The following CLCN1 variants were observed in gnomAD, a reference collection of about 807,000 sequenced individuals.
CLCN1 encodes chloride voltage-gated channel 1, also known as chloride channel protein 1.
A neutral mutation model predicts 114.5 loss-of-function variants in CLCN1; 100 were observed. The ratio of observed to expected loss-of-function variants is 0.87; its 90% confidence interval spans 0.74 to 1.03. The LOEUF (loss-of-function observed/expected upper bound fraction) is 1.03, where lower values mean the gene tolerates loss of function less well. Among genes scored for constraint, CLCN1 ranks in the 50% least tolerant of loss-of-function variants. The pLI, the probability that CLCN1 is intolerant of heterozygous loss-of-function variation, is 0.00. For missense variants in CLCN1, 1,188 were observed against 1,250.0 expected (o/e 0.95, Z 0.75); for synonymous variants, 485 against 487.1 (o/e 1.00, Z 0.06).
chr7:143,332,277 G>GT (rs1802745749), intron 10 of CLCN1, 142 bp from the exon 11 acceptor site: 11 of 785,800 alleles, frequency 1.4e-5, no homozygotes, highest in East Asian at 5.0e-5. Flanking sequence ...CTCAAATATT[G>GT]GTTTTTTGTG....
At chr7:143,320,558 T>TGG in intron 2 of CLCN1, 106 bp from the exon 3 acceptor site, 2 of 808,132 alleles carry the variant, frequency 2.5e-6, no homozygotes, top group Non-Finnish European at 3.7e-6. Context: ...TGCTTTTCTC[T>TGG]CTCTCTCTCT....
intron 16 of CLCN1, among the ~76,000 whole-genome samples, chr7:143,343,828 CTCTTT>C (rs932117159): frequency 5.3e-5 from 8 of 151,076 alleles, no homozygotes; most frequent in Admixed American, 1.3e-4. Flanking sequence ...TTCTCTCTCT[CTCTTT>C]TCTTTTCTTT....
In CLCN1 at chr7:143,316,340, A is replaced by C. The variant is rs868831424; in HGVS notation, c.128A>C (p.Gln43Pro). ...CTGCCCTCTGAGAATGGGGGCCTCC[A>C]GCACAGGCTCCGGAAGGATGCAGGC... ...YGLPSENGGLQHRLRKDAGPR... is the reference protein window; with the variant it reads ...YGLPSENGGLPHRLRKDAGPR... The change falls in exon 1 of 23, where the codon CAG becomes CCG. Residue 43 changes from glutamine (Q) to proline (P), a missense_variant. Physicochemically the swap from Gln to Pro is moderately conservative, Grantham distance 76. Transcript: ENST00000343257. 3.1e-6 allele frequency: 5 copies of C among 1,612,730 alleles called. No homozygotes were observed. The African/African-American group carries it at 4.0e-5, about 13-fold the overall frequency.
At chr7:143,323,755 T>G (rs1352036550) in intron 6 of CLCN1, 205 of 488,388 alleles carry the variant, frequency 4.2e-4, no homozygotes, top group Non-Finnish European at 5.9e-5. Flanking sequence ...TCACCCTACC[T>G]CTTACATACG....
In CLCN1 at chr7:143,332,372, A is replaced by AC. The variant is rs759193404; in HGVS notation, c.1167-46dup. 7 of 1,394,744 alleles carry AC rather than the reference A, an allele frequency of 5.0e-6. No individual in the cohort carries two copies. The South Asian group carries it at 8.1e-5, about 16-fold the overall frequency. 86.4% of individuals were successfully genotyped at this position (1,394,744 alleles called of 1,614,324 possible). ...CTTGCCATCGTTCAGTATGGTATTT[A>AC]CTGTGAGTTGGCTGAATTGTGGCGG... On this transcript the variant is annotated intron_variant, in intron 10 of 22. Transcript: ENST00000343257.
rs1802716584 is a variant in CLCN1, at chr7:143,331,285, C to T, written c.1033C>T (p.Leu345=). The change falls in exon 9 of 23, where the codon CTG becomes TTG. Residue 345 remains leucine (L), a synonymous_variant. Coordinates refer to ENST00000343257, the MANE Select transcript of CLCN1 (RefSeq NM_000083.3). ...TTTCCGAATGGATTTCCCCTTTGAC[C>T]TGAAGGAACTACCAGCTTTTGCTGC... ...TNFRMDFPFD[L]KELPAFAAIG... is the part of the protein sequence containing the mutation. The T allele has an allele frequency of 1.2e-6, 2 of 1,613,278 alleles. No homozygotes were observed. The highest frequency in any genetic ancestry group is 1.7e-5 in the Admixed American group (1 of 59,998).
In CLCN1 at chr7:143,344,060, G is replaced by A. The variant is rs541475835; in HGVS notation, c.1931-1461G>A. 4.6e-5 allele frequency among the ~76,000 whole-genome samples: 7 copies of A among 152,238 alleles called. No homozygotes were observed. The East Asian group carries it at 9.7e-4, about 21-fold the overall frequency. On this transcript the variant is annotated intron_variant, in intron 16 of 22. Transcript: ENST00000343257. ...TCACCATGTTGGCCAGGCTGGTCTC[G>A]AACTCCTGACCTCAGGCGATCCACC...
In CLCN1 at chr7:143,345,630, G is replaced by C; in HGVS notation, c.2040G>C (p.Lys680Asn). ...GCGCAGCCCAAGAGATGGCGCGGAAGTTGTCGGAGCTGCCTTACGACGGGA... is the reference window on the plus strand; with the variant it reads ...GCGCAGCCCAAGAGATGGCGCGGAACTTGTCGGAGCTGCCTTACGACGGGA... ...RLRAAQEMAR[K>N]LSELPYDGKA... The change falls in exon 17 of 23, where the codon AAG (lysine) becomes AAC (asparagine). Residue 680 changes from lysine (K) to asparagine (N), a missense_variant. Lys to Asn is a moderately conservative substitution (Grantham distance 94). Transcript: ENST00000343257. The C allele has an allele frequency of 6.4e-7, 1 of 1,562,742 alleles. No individual in the cohort carries two copies. Among genetic ancestry groups the C allele is most frequent in the Non-Finnish European group, 8.7e-7 (1 of 1,154,060 alleles).
intron 6 of CLCN1, chr7:143,323,840 C>A (rs758478433): frequency 4.2e-6 from 2 of 474,086 alleles, no homozygotes; most frequent in South Asian, 3.1e-5. Context: ...GCAGCTTGAC[C>A]TCCTGGTGTC....
chr7:143,318,809 G>A (rs1218524491), intron 1 of CLCN1, among the ~76,000 whole-genome samples: 4 of 152,188 alleles, frequency 2.6e-5, no homozygotes, highest in Admixed American at 2.6e-4. Flanking sequence ...AGGAAACACT[G>A]CCTCCCTCGG....
chr7:143,317,881 G>A (rs1802329446), intron 1 of CLCN1, among the ~76,000 whole-genome samples: 1 of 152,096 alleles, frequency 6.6e-6, no homozygotes, highest in Admixed American at 6.5e-5. Flanking sequence ...CTGGCCCTGT[G>A]TTCTCACTCG....
At position 143,339,072 on chromosome 7, in the gene CLCN1, T is replaced by C. The variant is rs1803003947; in HGVS notation, c.1402-181T>C. On this transcript the variant is annotated intron_variant, in intron 12 of 22. Transcript: ENST00000343257. This position sits in a 1 kb window ranked among gnomAD's most constrained non-coding sequence, Gnocchi z 4.1. ...CTTCTGATAGTATTGTCTTTGGTGATCTCTTAGCCTGAGAGCTCTATGGCT... is the reference window on the plus strand; with the variant it reads ...CTTCTGATAGTATTGTCTTTGGTGACCTCTTAGCCTGAGAGCTCTATGGCT... 6.6e-6 allele frequency among the ~76,000 whole-genome samples: 1 copy of C among 152,186 alleles called. No individual in the cohort carries two copies. Among genetic ancestry groups the C allele is most frequent in the African/African-American group, 2.4e-5 (1 of 41,456 alleles).
intron 8 of CLCN1, 98 bp from the exon 9 acceptor site, chr7:143,331,134 G>GAGGA (rs1254682764): frequency 2.2e-5 from 24 of 1,078,220 alleles, no homozygotes; most frequent in Middle Eastern, 2.0e-4. Flanking sequence ...ACTGGGATTG[G>GAGGA]AGGAAGGAAG....
At chr7:143,331,175 T>C (rs2116852752) in intron 8 of CLCN1, 57 bp from the exon 9 acceptor site, 1 of 1,293,358 alleles carries the variant, frequency 7.7e-7, no homozygotes, top group Non-Finnish European at 1.1e-6. Context: ...CCACCTCTGT[T>C]TCCCTGTTGG....
intron 14 of CLCN1, among the ~76,000 whole-genome samples, chr7:143,340,527 C>A (rs1342309944): frequency 6.6e-6 from 1 of 151,910 alleles, no homozygotes; most frequent in Non-Finnish European, 1.5e-5. Flanking sequence ...TTTCTCTCTT[C>A]TCCTTCTCCT....
chr7:143,343,788 TTC>T (rs1159780765), intron 16 of CLCN1, among the ~76,000 whole-genome samples: 1 of 149,274 alleles, frequency 6.7e-6, no homozygotes, highest in Non-Finnish European at 1.5e-5. Context: ...CTCTCTCTCT[TTC>T]TCTCTCCCTC....
At chr7:143,341,878 A>G (rs1803085556) in intron 14 of CLCN1, 51 bp from the exon 15 acceptor site, 2 of 1,458,390 alleles carry the variant, frequency 1.4e-6, no homozygotes, top group Non-Finnish European at 1.9e-6. Flanking sequence ...TATGTCCTTC[A>G]TGCTAAGAAC....
intron 6 of CLCN1, 29 bp downstream of exon 6, chr7:143,323,415 G>A (rs1324894520): frequency 3.4e-5 from 52 of 1,514,922 alleles, no homozygotes; most frequent in Non-Finnish European, 4.8e-5. Flanking sequence ...AATGAGCTGG[G>A]GCCAGGTGGT....
At chr7:143,329,961 G>A (rs1029482055) in intron 7 of CLCN1, among the ~76,000 whole-genome samples, 9 of 151,850 alleles carry the variant, frequency 5.9e-5, no homozygotes, top group Middle Eastern at 3.4e-3. Context: ...ACCAACCCTT[G>A]CTCTTTTTCT....
Sources: gnomAD v4.1 joint callset for allele counts (sites outside exome capture counted in the v4.1 genomes callset) on GRCh38, gnomAD v4.1.1 for gene constraint, Gnocchi (gnomAD v3.1) non-coding constraint, MANE v1.5 for transcripts, NCBI Gene and HGNC (gene_info 2026-07-23, HGNC 2026-07-21) for gene names.